Variants in LRP2 observed in about 807,000 individuals in gnomAD.
The protein encoded by LRP2 is LDL receptor related protein 2, also known as low-density lipoprotein receptor-related protein 2.
LRP2 carries 172 observed loss-of-function variants against 531.0 expected under a neutral mutation model. The ratio of observed to expected loss-of-function variants is 0.32; its 90% confidence interval spans 0.29 to 0.37. The LOEUF is 0.37. Among genes scored for constraint, LRP2 ranks in the 10% least tolerant of loss-of-function variants. The probability of loss-of-function intolerance (pLI) is 1.00; values close to 1 mark genes in which losing one functional copy is unlikely to be tolerated. For missense variants in LRP2, 5,167 were observed against 5,868.3 expected, an observed-to-expected ratio of 0.88 and a Z score of 3.90; for synonymous variants, 1,992 against 2,027.6, an observed-to-expected ratio of 0.98 and a Z score of 0.47.
chr2:169,265,661 C>A (rs1209762167), intron 16 of LRP2, among the ~76,000 whole-genome samples: 2 of 151,894 alleles, frequency 1.3e-5, no homozygotes, highest in African/African-American at 4.8e-5. Context: ...CTGTACCCAG[C>A]CAAACAGTCA....
In LRP2 at chr2:169,139,255, G is replaced by A. The variant is rs747641533; in HGVS notation, c.13384C>T (p.Pro4462Ser). Residue 4462 changes from proline to serine, a missense_variant, in exon 74 of 79, where the codon CCA becomes TCA. By Grantham distance (74) the Pro-to-Ser change is moderately conservative. Coordinates refer to ENST00000649046, the MANE Select transcript of LRP2 (RefSeq NM_004525.3). ...GTTCCCCATAATGAAACTGACCTTGGCAGCTTGGGCAGAGCAGGCAAAAGG... is the reference window on the plus strand; with the variant it reads ...GTTCCCCATAATGAAACTGACCTTGACAGCTTGGGCAGAGCAGGCAAAAGG... Reference protein sequence around the residue: ...GSLLPALPKLPSLSSLVKPSE... With the variant: ...GSLLPALPKLSSLSSLVKPSE... 5.0e-6 allele frequency: 8 copies of A among 1,614,088 alleles called. No individual in the cohort carries two copies. The highest frequency in any genetic ancestry group is 1.6e-4 in the Middle Eastern group (1 of 6,062).
rs1476804185 is a variant in LRP2 at position 169,312,104 on chromosome 2, G to A, written c.311-4707C>T. 1.6e-4 allele frequency among the ~76,000 whole-genome samples: 25 copies of A among 151,752 alleles called. 1 individual carries two copies. The highest frequency in any genetic ancestry group is 3.9e-4 in the East Asian group (2 of 5,188). On this transcript the variant is annotated intron_variant, in intron 3 of 78. Coordinates refer to ENST00000649046, the MANE Select transcript of LRP2 (RefSeq NM_004525.3). ...TTTGAGCCTATGTGTGTCTCTGCACGTGAGATGGGTTTCCTGAATACAGCA... is the reference window on the plus strand; with the variant it reads ...TTTGAGCCTATGTGTGTCTCTGCACATGAGATGGGTTTCCTGAATACAGCA...
intron 59 of LRP2, 150 bp from the exon 60 acceptor site, chr2:169,169,968 T>C (rs768794671): frequency 8.6e-5 from 59 of 685,026 alleles, no homozygotes; most frequent in Admixed American, 5.0e-4. Flanking sequence ...AGCAAATTAA[T>C]ACATTCTCAA....
chr2:169,335,693 C>T (rs831027), intron 1 of LRP2, among the ~76,000 whole-genome samples: 15,371 of 152,024 alleles, frequency 0.1, 795 homozygotes, highest in Middle Eastern at 0.11. Context: ...CCAGGACCCA[C>T]GTTTAAAAGA....
intron 76 of LRP2, among the ~76,000 whole-genome samples, chr2:169,136,601 C>G (rs369781278): frequency 6.6e-6 from 1 of 152,082 alleles, no homozygotes; most frequent in Non-Finnish European, 1.5e-5. Flanking sequence ...CTTTTCCTGG[C>G]TCATCTGGCT....
intron 48 of LRP2, among the ~76,000 whole-genome samples, chr2:169,191,315 T>G (rs1007054389): frequency 6.6e-6 from 1 of 152,182 alleles, no homozygotes; most frequent in Non-Finnish European, 1.5e-5. Flanking sequence ...TTATTTTTCT[T>G]GTAGTAGAGA....
chr2:169,327,046 G>C (rs956938921), intron 1 of LRP2, among the ~76,000 whole-genome samples: 1 of 151,866 alleles, frequency 6.6e-6, no homozygotes, highest in East Asian at 2.0e-4. Flanking sequence ...GAAGTGAGGA[G>C]CGTCTCCGCC....
chr2:169,334,980 ACT>A (rs1044070417), intron 1 of LRP2, among the ~76,000 whole-genome samples: 1 of 152,118 alleles, frequency 6.6e-6, no homozygotes, highest in Non-Finnish European at 1.5e-5. Context: ...CTGAGAGAAA[ACT>A]TTCAAAATCT....
At chr2:169,216,787 A>G (rs1688813270) in intron 34 of LRP2, among the ~76,000 whole-genome samples, 3 of 152,262 alleles carry the variant, frequency 2.0e-5, no homozygotes, top group Middle Eastern at 3.4e-3. Flanking sequence ...GTGAAGGCCA[A>G]AGCTAATATA....
At chr2:169,162,372 A>G (rs1686620221) in intron 63 of LRP2, 100 bp downstream of exon 63, 2 of 1,374,588 alleles carry the variant, frequency 1.5e-6, no homozygotes, top group Non-Finnish European at 2.1e-6. Flanking sequence ...AAAGTACATT[A>G]AGGAGAAAAT....
intron 1 of LRP2, among the ~76,000 whole-genome samples, chr2:169,359,959 A>G (rs1686099538): frequency 6.6e-6 from 1 of 151,976 alleles, no homozygotes; most frequent in African/African-American, 2.4e-5. Context: ...CCCTGCCTCT[A>G]CTAAAAATAC....
intron 45 of LRP2, 58 bp from the exon 46 acceptor site, chr2:169,197,088 T>C: frequency 6.3e-7 from 1 of 1,596,782 alleles, no homozygotes; most frequent in Non-Finnish European, 8.5e-7. Context: ...TTCCCATCAG[T>C]CTTAACAATC....
intron 54 of LRP2, among the ~76,000 whole-genome samples, chr2:169,175,873 C>G (rs1687173453): frequency 6.6e-6 from 1 of 152,206 alleles, no homozygotes. Context: ...ATGCTATGAT[C>G]TGCATTAATG....
At chr2:169,291,030 T>C (rs199604484) in intron 7 of LRP2, 33 bp from the exon 8 acceptor site, 11 of 1,606,060 alleles carry the variant, frequency 6.8e-6, no homozygotes, top group African/African-American at 4.0e-5. Flanking sequence ...TTACAGGCCA[T>C]AGGGGAGGTA....
intron 16 of LRP2, among the ~76,000 whole-genome samples, chr2:169,260,129 G>A (rs1690487582): frequency 6.6e-6 from 1 of 152,114 alleles, no homozygotes; most frequent in Admixed American, 6.6e-5. Context: ...AGAGAACCAA[G>A]TCAAAGAGAA....
chr2:169,264,207 C>T (rs1690697857), intron 16 of LRP2, among the ~76,000 whole-genome samples: 1 of 151,726 alleles, frequency 6.6e-6, no homozygotes, highest in Non-Finnish European at 1.5e-5. Context: ...AACTAACCTG[C>T]ACATTGTACA....
At chr2:169,153,884 C>T (rs866965200) in intron 66 of LRP2, among the ~76,000 whole-genome samples, 1 of 152,174 alleles carries the variant, frequency 6.6e-6, no homozygotes, top group African/African-American at 2.4e-5. Context: ...TGATCACCTA[C>T]CACATAGAGT....
chr2:169,147,940 T>TA (rs34880654), intron 68 of LRP2, among the ~76,000 whole-genome samples: 2,382 of 149,480 alleles, frequency 0.016, 18 homozygotes, highest in African/African-American at 0.032. Context: ...AGCACTATGT[T>TA]AAAAAAAAAA....
chr2:169,247,116 T>A (rs1690039633), intron 20 of LRP2, 130 bp from the exon 21 acceptor site: 1 of 1,159,206 alleles, frequency 8.6e-7, no homozygotes, highest in African/African-American at 1.5e-5. Flanking sequence ...TAGCTTCCTC[T>A]TGGAAATCAA....
Sources: allele counts gnomAD v4.1 joint callset (sites outside exome capture counted in the v4.1 genomes callset), GRCh38; gene constraint gnomAD v4.1.1; transcripts MANE v1.5; gene names NCBI Gene and HGNC (gene_info 2026-07-23, HGNC 2026-07-21).